Variants in ELK4 observed in about 807,000 individuals in gnomAD.
The protein encoded by ELK4 is ETS domain-containing protein Elk-4.
Under a neutral mutation model 29.6 loss-of-function variants are expected in ELK4, and 16 were observed. The ratio of observed to expected loss-of-function variants is 0.54; its 90% CI spans 0.37 to 0.82. ELK4 has a LOEUF of 0.82. Ranked by LOEUF, ELK4 falls within the 40% of genes least tolerant of loss-of-function variation. The pLI is 0.00. For missense variants in ELK4, 465 were observed against 507.1 expected, an observed-to-expected ratio of 0.92 and a Z score of 0.80; for synonymous variants, 213 against 191.1, an observed-to-expected ratio of 1.11 and a Z score of -0.95.
At chr1:205,619,691 A>C in intron 3 of ELK4, 1 of 1,421,482 alleles carries the variant, frequency 7.0e-7, no homozygotes, top group Non-Finnish European at 9.1e-7. Flanking sequence ...AGAGAGCGAG[A>C]GAGTGTGTGT....
rs1670131356 is a variant in ELK4 at position 205,610,171 on chromosome 1, T to C, written c.*6375A>G. On this transcript the variant is annotated 3_prime_UTR_variant, in exon 5 of 5. Transcript: ENST00000357992. ...CCAGCCACAGGAAACCCCCACCTCC[T>C]CCCCGACCCCATCCAGAAGATCCCA... The C allele has an allele frequency of 4.3e-6, 1 of 231,014 alleles. No individual in the cohort carries two copies. Among genetic ancestry groups the C allele is most frequent in the Non-Finnish European group, 8.6e-6 (1 of 116,792 alleles). The allele number at this position is 231,014 out of a possible 1,614,324, so 14.3% of individuals were successfully genotyped here. A position where few individuals can be genotyped will look rare whatever the true frequency, so the allele number is the denominator to read the frequency against.
intron 1 of ELK4, chr1:205,625,939 A>C (rs1163106547): frequency 1.2e-6 from 1 of 837,520 alleles, no homozygotes; most frequent in Non-Finnish European, 2.1e-6. Flanking sequence ...GGCCTCCCAA[A>C]ATGCTGGGAT....
chr1:205,624,351 C>T (rs1444509648), intron 1 of ELK4, among the ~76,000 whole-genome samples: 1 of 151,356 alleles, frequency 6.6e-6, no homozygotes, highest in Non-Finnish European at 1.5e-5. Context: ...TAAATCAACC[C>T]GGTTTGGTTA....
In ELK4 at chr1:205,614,498, C is replaced by T; in HGVS notation, c.*2048G>A. 1 of 228,478 alleles carries T rather than the reference C, an allele frequency of 4.4e-6. No individual in the cohort carries two copies. The highest frequency in any genetic ancestry group is 6.3e-5 in the East Asian group (1 of 15,900). The allele number at this position is 228,478 out of a possible 1,614,324, so 14.2% of individuals were successfully genotyped here. A position where few individuals can be genotyped will look rare whatever the true frequency, so the allele number is the denominator to read the frequency against. On this transcript the variant is annotated 3_prime_UTR_variant, in exon 5 of 5. Transcript: ENST00000357992. ...AAAAAAAAGTCCAATATGTCTGTTC[C>T]CCATCACTATTAAACAATACCTTTC...
rs1481556416 is a variant in ELK4, at chr1:205,610,501, T to A, written c.*6045A>T. On this transcript the variant is annotated 3_prime_UTR_variant, in exon 5 of 5. Coordinates refer to ENST00000357992, the MANE Select transcript of ELK4 (RefSeq NM_001973.4). ...GATTTTACACAAAAGCAAACATAAATGTAGAAATTTTAAGAAAGGACATCC... is the reference window on the plus strand; with the variant it reads ...GATTTTACACAAAAGCAAACATAAAAGTAGAAATTTTAAGAAAGGACATCC... The A allele has an allele frequency of 4.4e-6, 1 of 228,980 alleles. No individual in the cohort carries two copies. The highest frequency in any genetic ancestry group is 2.2e-5 in the African/African-American group (1 of 45,074). 14.2% of individuals were successfully genotyped at this position (228,980 alleles called of 1,614,324 possible).
chr1:205,629,194 G>GAA (rs1670528167), intron 1 of ELK4, among the ~76,000 whole-genome samples: 11 of 129,908 alleles, frequency 8.5e-5, no homozygotes, highest in Admixed American at 7.7e-5. Flanking sequence ...AAAAAGAAAA[G>GAA]AAAAAAATGG....
At chr1:205,630,873 GATCT>G (rs1298951063) in intron 1 of ELK4, among the ~76,000 whole-genome samples, 2 of 152,136 alleles carry the variant, frequency 1.3e-5, no homozygotes, top group African/African-American at 4.8e-5. Context: ...CAGAGGATCT[GATCT>G]ATCAACCAAA....
In ELK4 at chr1:205,620,793, C is replaced by A. The variant is rs1017788079; in HGVS notation, c.253G>T (p.Val85Phe). 5 of 1,613,484 alleles carry A rather than the reference C, an allele frequency of 3.1e-6. No homozygotes were observed. In the African/African-American group the frequency reaches 6.7e-5, roughly 22 times the overall value. Residue 85 changes from valine to phenylalanine, a missense_variant, in exon 3 of 5, where the codon GTC becomes TTC. Val to Phe is a conservative substitution (Grantham distance 50). This residue lies in a region of ELK4 where 385 missense variants were observed against 387.5 expected (regional missense o/e 0.99). Transcript: ENST00000357992. ...VNGQKFVYKFVSYPEILNMDP... is the reference protein window; with the variant it reads ...VNGQKFVYKFFSYPEILNMDP... ...ATGTTCAAAATCTCTGGATAAGAGA[C>A]AAACTTGTACACAAACTTCTGACCA...
chr1:205,625,679 CTTTT>C (rs368266464), intron 1 of ELK4: 405 of 691,258 alleles, frequency 5.9e-4, no homozygotes, highest in Middle Eastern at 2.9e-3. Context: ...GCTGCTGCTT[CTTTT>C]TTTTTTTTTT....
Position 205,620,836 on chromosome 1 carries a change from ATTC to A in ELK4, c.208-1_209del. The A allele has an allele frequency of 6.3e-7, 1 of 1,598,836 alleles. No individual in the cohort carries two copies. The highest frequency in any genetic ancestry group is 1.7e-5 in the Admixed American group (1 of 57,168). On this transcript the variant is annotated splice_acceptor_variant and coding_sequence_variant, in exon 3 of 5. Transcript: ENST00000357992. LOFTEE classifies it high-confidence loss of function. ...TCTGACCATTCACTTTTTTGATGAT[ATTC>A]TGTAGGTTAAAAAAAAAAGCATTTT...
At chr1:205,627,503 C>T (rs1389880287) in intron 1 of ELK4, among the ~76,000 whole-genome samples, 3 of 148,162 alleles carry the variant, frequency 2.0e-5, no homozygotes, top group Middle Eastern at 3.2e-3. Context: ...AGCGAGACTC[C>T]GCCTCAAAAA....
intron 1 of ELK4, among the ~76,000 whole-genome samples, chr1:205,628,268 G>C (rs930843681): frequency 6.6e-6 from 1 of 152,180 alleles, no homozygotes; most frequent in Non-Finnish European, 1.5e-5. Flanking sequence ...CCTTTCTTCT[G>C]ATGATGCCTA....
chr1:205,609,037 T>C lies in ELK4; in HGVS notation c.*7509A>G, dbSNP rs1205340139. 5.3e-6 allele frequency: 1 copy of C among 188,534 alleles called. No homozygotes were observed. The highest frequency in any genetic ancestry group is 1.1e-5 in the Non-Finnish European group (1 of 89,644). The allele number at this position is 188,534 out of a possible 1,614,324, so 11.7% of individuals were successfully genotyped here. ...TTAATTTTTAAGTGATGTTCATACT[T>C]GACGGTTCAGAAACTGCCACTGCCA... On this transcript the variant is annotated 3_prime_UTR_variant, in exon 5 of 5. Coordinates refer to ENST00000357992, the MANE Select transcript of ELK4 (RefSeq NM_001973.4).
chr1:205,609,630 A>C lies in ELK4; in HGVS notation c.*6916T>G, dbSNP rs1670125003. ...ATGTACATACAAAGGCCACTGGTTA[A>C]TACTGCCCCAAGTAACAAAACAATG... is the stretch of plus-strand genomic sequence containing the variant. On this transcript the variant is annotated 3_prime_UTR_variant, in exon 5 of 5. Coordinates refer to ENST00000357992, the MANE Select transcript of ELK4 (RefSeq NM_001973.4). The C allele has an allele frequency of 4.9e-6, 1 of 205,612 alleles. No individual in the cohort carries two copies. Among genetic ancestry groups the C allele is most frequent in the African/African-American group, 2.3e-5 (1 of 43,822 alleles). The allele number at this position is 205,612 out of a possible 1,614,324, so 12.7% of individuals were successfully genotyped here. A position where few individuals can be genotyped will look rare whatever the true frequency, so the allele number is the denominator to read the frequency against.
intron 1 of ELK4, among the ~76,000 whole-genome samples, chr1:205,628,871 TAA>T (rs5780290): frequency 6.8e-6 from 1 of 148,128 alleles, no homozygotes; most frequent in African/African-American, 2.5e-5. Context: ...TTGAGGACAG[TAA>T]AAAAAAAAAA....
chr1:205,616,666 A>C lies in ELK4; in HGVS notation c.1198-22T>G, dbSNP rs111534283. 875 of 1,602,292 alleles carry C rather than the reference A, an allele frequency of 5.5e-4. 1 individual carries two copies. The African/African-American group carries it at 0.01, about 19-fold the overall frequency. On this transcript the variant is annotated intron_variant, in intron 4 of 4. Transcript: ENST00000357992. ...GAAACTGAGAAAGAAAACAAAACAC[A>C]TTATCATCCTATTACTCAACCCCAA...
In ELK4 at chr1:205,620,845, G is replaced by GT. The variant is rs755150894; in HGVS notation, c.208-8dup. On this transcript the variant is annotated splice_region_variant and splice_polypyrimidine_tract_variant and intron_variant, in intron 2 of 4. Coordinates refer to ENST00000357992, the MANE Select transcript of ELK4 (RefSeq NM_001973.4). ...TCACTTTTTTGATGATATTCTGTAG[G>GT]TTAAAAAAAAAAGCATTTTTATCCT... 2.4e-5 allele frequency: 38 copies of GT among 1,579,868 alleles called. No individual in the cohort carries two copies. The highest frequency in any genetic ancestry group is 2.6e-5 in the Non-Finnish European group (30 of 1,169,242).
chr1:205,611,551 T>C lies in ELK4; in HGVS notation c.*4995A>G, dbSNP rs1317632496. On this transcript the variant is annotated 3_prime_UTR_variant, in exon 5 of 5. Transcript: ENST00000357992. ...TCTATTTTCCACAGAACCCAGTCTCTGGTTAGAGTACCTGCTGAAGAAAGA... is the reference window on the plus strand; with the variant it reads ...TCTATTTTCCACAGAACCCAGTCTCCGGTTAGAGTACCTGCTGAAGAAAGA... 4.8e-6 allele frequency: 1 copy of C among 206,206 alleles called. No individual in the cohort carries two copies. The highest frequency in any genetic ancestry group is 7.4e-5 in the East Asian group (1 of 13,578). The allele number at this position is 206,206 out of a possible 1,614,324, so 12.8% of individuals were successfully genotyped here.
intron 2 of ELK4, among the ~76,000 whole-genome samples, chr1:205,621,084 A>G (rs1030914141): frequency 6.6e-6 from 1 of 150,586 alleles, no homozygotes; most frequent in Non-Finnish European, 1.5e-5. Flanking sequence ...AGTCCCAGCT[A>G]CTCAGGAGGC....
Sources: gnomAD v4.1 joint callset for allele counts (sites outside exome capture counted in the v4.1 genomes callset) on GRCh38, gnomAD v4.1.1 for gene constraint, gnomAD v4.1.1 regional missense constraint, MANE v1.5 for transcripts, NCBI Gene and HGNC (gene_info 2026-07-23, HGNC 2026-07-21) for gene names.